The following ATRNL1 variants were observed in gnomAD, a reference collection of about 807,000 sequenced individuals.
ATRNL1 encodes the protein attractin like 1, also known as attractin-like protein 1.
ATRNL1 carries 95 observed loss-of-function variants against 182.7 expected under a neutral mutation model. That is an observed-to-expected ratio of 0.52 (90% CI 0.44 to 0.62). The LOEUF is 0.62. Ranked by LOEUF, ATRNL1 falls within the 20% of genes least tolerant of loss-of-function variation. The pLI, the probability that ATRNL1 is intolerant of heterozygous loss-of-function variation, is 0.00. For synonymous variants in ATRNL1, 576 were observed against 568.3 expected (o/e 1.01, Z -0.19); for missense variants, 1,471 against 1,679.5 (o/e 0.88, Z 2.17).
intron 28 of ATRNL1, among the ~76,000 whole-genome samples, chr10:115,914,492 G>A (rs1952784694): frequency 6.6e-6 from 1 of 152,170 alleles, no homozygotes; most frequent in African/African-American, 2.4e-5. Context: ...TATGCCACAT[G>A]CGTACCCAGC....
At chr10:115,602,299 A>G (rs1349015507) in intron 26 of ATRNL1, among the ~76,000 whole-genome samples, 1 of 152,174 alleles carries the variant, frequency 6.6e-6, no homozygotes, top group African/African-American at 2.4e-5. Flanking sequence ...GGTTGCAGTG[A>G]GCCGAGATCA....
At chr10:115,721,959 T>G (rs1258762615) in intron 26 of ATRNL1, among the ~76,000 whole-genome samples, 2 of 152,196 alleles carry the variant, frequency 1.3e-5, no homozygotes, top group African/African-American at 4.8e-5. Context: ...CTGCTGTGGC[T>G]ATTTGACAAT....
At chr10:115,341,052 T>A (rs1042976987) in intron 19 of ATRNL1, among the ~76,000 whole-genome samples, 5 of 152,002 alleles carry the variant, frequency 3.3e-5, no homozygotes, top group Non-Finnish European at 7.4e-5. Context: ...TCTTTCTTAT[T>A]TTCTTCTATT....
intron 28 of ATRNL1, among the ~76,000 whole-genome samples, chr10:115,889,494 C>T (rs1050481964): frequency 2.0e-5 from 3 of 152,078 alleles, no homozygotes; most frequent in African/African-American, 4.8e-5. Flanking sequence ...ACGCACCACC[C>T]GCAGTCAGTT....
chr10:115,471,792 G>C (rs1260753913), intron 24 of ATRNL1, among the ~76,000 whole-genome samples: 5 of 150,920 alleles, frequency 3.3e-5, no homozygotes, highest in Non-Finnish European at 5.9e-5. Context: ...TATTCTGTAG[G>C]TTGCCTTTTC....
At chr10:115,353,645 TTCTTCCTC>T (rs1378865583) in intron 19 of ATRNL1, among the ~76,000 whole-genome samples, 2 of 152,200 alleles carry the variant, frequency 1.3e-5, no homozygotes, top group Admixed American at 6.5e-5. Context: ...TTCTCTTCCT[TTCTTCCTC>T]TCTTCCTTTT....
chr10:115,476,082 T>G (rs1848517862), intron 24 of ATRNL1, among the ~76,000 whole-genome samples: 1 of 151,388 alleles, frequency 6.6e-6, no homozygotes, highest in Admixed American at 6.6e-5. Flanking sequence ...TATGCAGTGC[T>G]TTGACCACAT....
rs368445150 is a variant in ATRNL1, at chr10:115,272,277, A to G, written c.2100+3833A>G. On this transcript the variant is annotated intron_variant, in intron 13 of 28. Coordinates refer to ENST00000355044, the MANE Select transcript of ATRNL1 (RefSeq NM_207303.4). Reference sequence around the variant, plus strand: ...GGGTGTAGGGTATGGTAATACTGAAAGACGCCATAAGGGATCTCTTGTATT... The same window carrying G: ...GGGTGTAGGGTATGGTAATACTGAAGGACGCCATAAGGGATCTCTTGTATT... Among the ~76,000 whole-genome samples, 11 of 152,318 alleles carry G rather than the reference A, an allele frequency of 7.2e-5. No homozygotes were observed. The East Asian group carries it at 1.9e-3, about 27-fold the overall frequency.
chr10:115,481,580 A>G (rs1397527343), intron 24 of ATRNL1, among the ~76,000 whole-genome samples: 2 of 150,848 alleles, frequency 1.3e-5, no homozygotes, highest in African/African-American at 2.4e-5. Flanking sequence ...AGACTGGTCA[A>G]TTTGACACCA....
At chr10:115,257,883 A>T (rs533412999) in intron 10 of ATRNL1, among the ~76,000 whole-genome samples, 1 of 152,132 alleles carries the variant, frequency 6.6e-6, no homozygotes, top group African/African-American at 2.4e-5. Flanking sequence ...GTTTGGCTGG[A>T]TATGAAATTC....
At chr10:115,756,040 A>G (rs1460084404) in intron 27 of ATRNL1, among the ~76,000 whole-genome samples, 1 of 151,908 alleles carries the variant, frequency 6.6e-6, no homozygotes, top group Admixed American at 6.6e-5. Flanking sequence ...TATTGTGTCT[A>G]TTTGATCCTT....
intron 20 of ATRNL1, among the ~76,000 whole-genome samples, chr10:115,417,875 T>A (rs1353669630): frequency 6.6e-6 from 1 of 152,132 alleles, no homozygotes; most frequent in Non-Finnish European, 1.5e-5. Flanking sequence ...GGAGTTGCAG[T>A]GGTCATGGGC....
At chr10:115,722,780 T>G (rs1490643852) in intron 26 of ATRNL1, among the ~76,000 whole-genome samples, 1 of 152,154 alleles carries the variant, frequency 6.6e-6, no homozygotes, top group Non-Finnish European at 1.5e-5. Flanking sequence ...CTTTGCAGTA[T>G]TGCCATAAGC....
chr10:115,178,155 C>A (rs1387340178), intron 8 of ATRNL1, among the ~76,000 whole-genome samples: 1 of 151,850 alleles, frequency 6.6e-6, no homozygotes, highest in Non-Finnish European at 1.5e-5. Flanking sequence ...AGTGATCTGC[C>A]TTCTTCGACC....
intron 17 of ATRNL1, among the ~76,000 whole-genome samples, chr10:115,312,165 C>G (rs910145083): frequency 2.0e-5 from 3 of 152,012 alleles, no homozygotes; most frequent in African/African-American, 7.2e-5. Flanking sequence ...TTACTAGTTA[C>G]TTTGTTTTCT....
intron 26 of ATRNL1, among the ~76,000 whole-genome samples, chr10:115,559,613 A>G (rs1853569560): frequency 6.6e-6 from 1 of 152,200 alleles, no homozygotes; most frequent in Admixed American, 6.5e-5. Context: ...TGATTTCTAA[A>G]TACCATTCAC....
intron 26 of ATRNL1, among the ~76,000 whole-genome samples, chr10:115,669,506 G>A (rs1016611840): frequency 3.3e-5 from 5 of 152,086 alleles, no homozygotes; most frequent in Admixed American, 3.3e-4. Flanking sequence ...GACATTCTAT[G>A]TTCAGATTCA....
At chr10:115,887,981 T>A (rs1389137375) in intron 28 of ATRNL1, among the ~76,000 whole-genome samples, 5 of 152,166 alleles carry the variant, frequency 3.3e-5, no homozygotes, top group Non-Finnish European at 5.9e-5. Context: ...ATCTTTTGGA[T>A]AGGCATATTG....
intron 26 of ATRNL1, among the ~76,000 whole-genome samples, chr10:115,605,536 A>C (rs1856827224): frequency 6.6e-6 from 1 of 151,852 alleles, no homozygotes; most frequent in Non-Finnish European, 1.5e-5. Context: ...AATTTTTTTG[A>C]CTTTATGGTG....
Sources: allele counts gnomAD v4.1 joint callset (sites outside exome capture counted in the v4.1 genomes callset), GRCh38; gene constraint gnomAD v4.1.1; transcripts MANE v1.5; gene names NCBI Gene and HGNC (gene_info 2026-07-23, HGNC 2026-07-21).